SASH1: variants seen among roughly 807,000 people sequenced by gnomAD.
SASH1 encodes SAM and SH3 domain-containing protein 1.
SASH1 carries 44 observed loss-of-function variants against 125.2 expected under a neutral mutation model. That is an observed-to-expected ratio of 0.35 (90% CI 0.28 to 0.45). SASH1 has a LOEUF of 0.45. SASH1 is among the 20% of genes least tolerant of loss of function. The pLI is 1.00. For synonymous variants in SASH1, 639 were observed against 649.1 expected (o/e 0.98, Z 0.24); for missense variants, 1,426 against 1,614.5 (o/e 0.88, Z 2.00).
chr6:148,206,324 T>G, the SASH1 span, among the ~76,000 whole-genome samples: 1 of 152,146 alleles, frequency 6.6e-6, no homozygotes, highest in Non-Finnish European at 1.5e-5. Context: ...CTCAGTCTTT[T>G]GCAAATCATA....
chr6:148,449,078 C>CTTTTTTTTTT lies in SASH1; in HGVS notation c.386+8677_386+8686dup. On this transcript the variant is annotated intron_variant, in intron 4 of 19. Transcript: ENST00000367467. ...GAGACTGGCTAATTTCATTTCATTTCTTTTTTTTTTTTTTTGGAGACAGAG... is the reference window on the plus strand; with the variant it reads ...GAGACTGGCTAATTTCATTTCATTTCTTTTTTTTTTTTTTTTTTTTTTTTTGGAGACAGAG... 8.1e-4 allele frequency among the ~76,000 whole-genome samples: 72 copies of CTTTTTTTTTT among 88,644 alleles called. 2 individuals are homozygous for CTTTTTTTTTT. The highest frequency in any genetic ancestry group is 9.7e-4 in the Non-Finnish European group (42 of 43,386). 58.2% of individuals were successfully genotyped at this position (88,644 alleles called of 152,430 possible). A position where few individuals can be genotyped will look rare whatever the true frequency, so the allele number is the denominator to read the frequency against.
At chr6:148,525,005 T>G in intron 10 of SASH1, 1 of 378,200 alleles carries the variant, frequency 2.6e-6, no homozygotes, top group Non-Finnish European at 4.9e-6. Context: ...GTTTTTCTTT[T>G]GTTTTTTAGG....
At position 148,444,073 on chromosome 6, in the gene SASH1, C is replaced by T. The variant is rs370202842; in HGVS notation, c.386+3666C>T. On this transcript the variant is annotated intron_variant, in intron 4 of 19. Transcript: ENST00000367467. ...GTGGGCAAGACCTGCAGGGGCCCAC[C>T]CTTAGAAGCAGAAATGCAAAGAAGG... is the stretch of plus-strand genomic sequence containing the variant. Among the ~76,000 whole-genome samples the T allele has an allele frequency of 8.2e-4, 125 of 152,206 alleles. 2 individuals are homozygous for T. The highest frequency in any genetic ancestry group is 2.8e-3 in the African/African-American group (116 of 41,522).
intron 7 of SASH1, among the ~76,000 whole-genome samples, chr6:148,481,653 C>T (rs1371297262): frequency 6.6e-6 from 1 of 152,066 alleles, no homozygotes; most frequent in Non-Finnish European, 1.5e-5. Context: ...GGGAGAATGG[C>T]CGGTCAGTGG....
At chr6:148,507,379 G>A (rs545408030) in intron 8 of SASH1, among the ~76,000 whole-genome samples, 109 of 152,034 alleles carry the variant, frequency 7.2e-4, no homozygotes, top group African/African-American at 2.6e-3. Context: ...TGTTGTTGTT[G>A]TTGTTGTTTG....
chr6:148,455,313 G>A (rs1269327962), intron 4 of SASH1, among the ~76,000 whole-genome samples: 3 of 152,222 alleles, frequency 2.0e-5, no homozygotes, highest in African/African-American at 7.2e-5. Flanking sequence ...ACCCAGATCA[G>A]TGTCTTGTCA....
intron 16 of SASH1, among the ~76,000 whole-genome samples, chr6:148,538,294 G>GCC (rs1376832046): frequency 3.3e-5 from 5 of 152,182 alleles, no homozygotes; most frequent in Admixed American, 6.5e-5. Context: ...CAGCACTCTG[G>GCC]AGTCTGTTTT....
chr6:148,404,740 C>G (rs1214906297), intron 2 of SASH1, among the ~76,000 whole-genome samples: 1 of 115,740 alleles, frequency 8.6e-6, no homozygotes, highest in Admixed American at 9.2e-5. Context: ...CCCACCGTTC[C>G]CCTCTCCCAG....
At chr6:148,535,754 A>G (rs933680071) in intron 16 of SASH1, among the ~76,000 whole-genome samples, 8 of 152,212 alleles carry the variant, frequency 5.3e-5, no homozygotes, top group Non-Finnish European at 7.3e-5. Flanking sequence ...GAAATCATTC[A>G]TCTTAAAGGA....
chr6:148,279,316 T>A (rs994944095), intron 1 of SASH1, among the ~76,000 whole-genome samples: 4 of 152,162 alleles, frequency 2.6e-5, no homozygotes, highest in Non-Finnish European at 5.9e-5. Flanking sequence ...TAAGAAACTG[T>A]ATTTAGGCCA....
At chr6:148,417,582 A>AAAATAAATAAAT (rs61198279) in intron 2 of SASH1, among the ~76,000 whole-genome samples, 1,638 of 147,784 alleles carry the variant, frequency 0.011, 18 homozygotes, top group East Asian at 0.026. Flanking sequence ...GGACTCTGTC[A>AAAATAAATAAAT]AAATAAATAA....
chr6:148,249,738 C>T, the SASH1 span, among the ~76,000 whole-genome samples: 1 of 152,156 alleles, frequency 6.6e-6, no homozygotes, highest in Non-Finnish European at 1.5e-5. Flanking sequence ...CCTGTTTCAA[C>T]CTCACAAGAG....
At chr6:148,239,144 C>T in the SASH1 span, among the ~76,000 whole-genome samples, 2 of 152,176 alleles carry the variant, frequency 1.3e-5, no homozygotes, top group African/African-American at 4.8e-5. Context: ...GCTTTGCGCT[C>T]ACTGATTCTA....
At chr6:148,439,439 A>G (rs1292861602) in intron 2 of SASH1, among the ~76,000 whole-genome samples, 1 of 152,238 alleles carries the variant, frequency 6.6e-6, no homozygotes, top group Non-Finnish European at 1.5e-5. Flanking sequence ...AGACATTAAC[A>G]ACTTCTCCTA....
At chr6:148,450,630 C>T (rs1240442748) in intron 4 of SASH1, among the ~76,000 whole-genome samples, 2 of 151,528 alleles carry the variant, frequency 1.3e-5, no homozygotes, top group Non-Finnish European at 2.9e-5. Context: ...ATCATCATAA[C>T]GTGGCTTCTC....
chr6:148,353,471 G>A (rs994119572), intron 1 of SASH1, among the ~76,000 whole-genome samples: 9 of 114,566 alleles, frequency 7.9e-5, no homozygotes, highest in South Asian at 2.7e-4. Context: ...GAGTCTTGCT[G>A]TCTCCCACGC....
Position 148,533,639 on chromosome 6 carries a change from G to A in SASH1, c.1735-132G>A. The stretch of plus-strand genomic sequence containing the variant: ...CATCCTATGCAGGTCACTCAGAGGG[G>A]TGACTTGTGGGACCCCGATTCTGGC... On this transcript the variant is annotated intron_variant, in intron 14 of 19. Transcript: ENST00000367467. The surrounding 1 kb of genome is among the most constrained non-coding windows in gnomAD (Gnocchi z 6.2). 1 of 805,850 alleles carries A rather than the reference G, an allele frequency of 1.2e-6. No individual in the cohort carries two copies. The highest frequency in any genetic ancestry group is 1.6e-5 in the South Asian group (1 of 62,414). The allele number at this position is 805,850 out of a possible 1,614,324, so 49.9% of individuals were successfully genotyped here.
chr6:148,543,517 C>T (rs62432356), intron 17 of SASH1, among the ~76,000 whole-genome samples, 163 bp from the exon 18 acceptor site: 1,579 of 152,198 alleles, frequency 0.01, 13 homozygotes, highest in Non-Finnish European at 0.017. Context: ...ACCATAATAA[C>T]CCTCTATCAC....
At chr6:148,416,805 C>T (rs1184957369) in intron 2 of SASH1, among the ~76,000 whole-genome samples, 1 of 152,166 alleles carries the variant, frequency 6.6e-6, no homozygotes, top group Non-Finnish European at 1.5e-5. Context: ...TGGGTTTTTG[C>T]CACACAAGGC....
Sources: allele counts gnomAD v4.1 joint callset (sites outside exome capture counted in the v4.1 genomes callset), GRCh38; gene constraint gnomAD v4.1.1; non-coding constraint Gnocchi (gnomAD v3.1); transcripts MANE v1.5; gene names NCBI Gene and HGNC (gene_info 2026-07-23, HGNC 2026-07-21).